GPHN: variants seen among roughly 807,000 people sequenced by gnomAD.
GPHN encodes gephyrin.
A neutral mutation model predicts 95.5 loss-of-function variants in GPHN; 17 were observed. The observed-to-expected ratio is 0.18, with a 90% CI of 0.12 to 0.27. The LOEUF (loss-of-function observed/expected upper bound fraction) is 0.27. Among genes scored for constraint, GPHN ranks in the 10% least tolerant of loss-of-function variants. The pLI, the probability that GPHN is intolerant of heterozygous loss-of-function variation, is 1.00. For synonymous variants in GPHN, 320 were observed against 322.5 expected (o/e 0.99, Z 0.08); for missense variants, 660 against 978.1 (o/e 0.67, Z 4.34).
At chr14:67,177,398 T>G (rs1312808772) in intron 21 of GPHN, among the ~76,000 whole-genome samples, 1 of 152,246 alleles carries the variant, frequency 6.6e-6, no homozygotes, top group Non-Finnish European at 1.5e-5. Context: ...TTGAGTAAGT[T>G]TCTTAATCCT....
At chr14:66,642,563 T>TTG (rs1555368320) in intron 1 of GPHN, among the ~76,000 whole-genome samples, 1 of 151,746 alleles carries the variant, frequency 6.6e-6, no homozygotes, top group Non-Finnish European at 1.5e-5. Context: ...ATTTTTGTTT[T>TTG]TTTTTTTTTT....
chr14:67,355,415 C>A, the GPHN span, among the ~76,000 whole-genome samples: 1 of 118,872 alleles, frequency 8.4e-6, no homozygotes, highest in Non-Finnish European at 1.6e-5. Flanking sequence ...AAAAGTGGAG[C>A]CCAGTTCGAG....
chr14:67,301,008 A>T, the GPHN span, among the ~76,000 whole-genome samples: 1 of 152,258 alleles, frequency 6.6e-6, no homozygotes, highest in East Asian at 1.9e-4. Flanking sequence ...TAACTCTTTA[A>T]GTTGTCATCT....
At chr14:67,237,337 G>A in the GPHN span, among the ~76,000 whole-genome samples, 42 of 151,986 alleles carry the variant, frequency 2.8e-4, no homozygotes, top group African/African-American at 9.9e-4. Context: ...GTGAAGACCT[G>A]GTTTTCACTA....
At chr14:67,646,842 A>G in the GPHN span, 1 of 1,389,230 alleles carries the variant, frequency 7.2e-7, no homozygotes. Context: ...ACTACAACAA[A>G]CCCACCCTCT....
chr14:67,198,361 C>G, the GPHN span: 1 of 1,553,966 alleles, frequency 6.4e-7, no homozygotes, highest in Non-Finnish European at 8.8e-7. Context: ...CCAATAACTT[C>G]AGTAATTTTC....
chr14:67,527,352 T>C, the GPHN span, among the ~76,000 whole-genome samples: 1 of 152,164 alleles, frequency 6.6e-6, no homozygotes, highest in Admixed American at 6.5e-5. Flanking sequence ...ATGATTCCTC[T>C]GTTTCAGCTC....
the GPHN span, among the ~76,000 whole-genome samples, chr14:67,576,933 C>A: frequency 2.0e-5 from 3 of 152,106 alleles, no homozygotes; most frequent in African/African-American, 7.2e-5. The surrounding 1 kb of genome is among the most constrained non-coding windows in gnomAD (Gnocchi z 4.0). Flanking sequence ...ATGGCATATA[C>A]CACACACACC....
chr14:66,930,861 C>T (rs1259767298), intron 8 of GPHN, among the ~76,000 whole-genome samples: 1 of 152,114 alleles, frequency 6.6e-6, no homozygotes, highest in Non-Finnish European at 1.5e-5. Flanking sequence ...TTGTCCTACT[C>T]AAGATATGAG....
At chr14:66,906,490 G>A (rs2065386794) in intron 5 of GPHN, among the ~76,000 whole-genome samples, 1 of 152,176 alleles carries the variant, frequency 6.6e-6, no homozygotes, top group African/African-American at 2.4e-5. Context: ...AGGATGGGGA[G>A]GAGGAACATC....
chr14:67,376,319 A>G, the GPHN span: 3 of 989,580 alleles, frequency 3.0e-6, no homozygotes, highest in South Asian at 1.8e-5. Flanking sequence ...GTATTTCCCT[A>G]TGGAGATCTT....
chr14:67,468,288 T>C, the GPHN span, among the ~76,000 whole-genome samples: 1 of 152,156 alleles, frequency 6.6e-6, no homozygotes, highest in African/African-American at 2.4e-5. Context: ...TTTCAATTTG[T>C]AAGACCTGGC....
the GPHN span, among the ~76,000 whole-genome samples, chr14:67,507,336 A>G: frequency 2.0e-5 from 3 of 152,018 alleles, no homozygotes; most frequent in Non-Finnish European, 4.4e-5. Context: ...GTGACAGAAC[A>G]ACATCCTGTC....
intron 1 of GPHN, among the ~76,000 whole-genome samples, chr14:66,625,870 A>G (rs1005712397): frequency 1.2e-4 from 18 of 152,356 alleles, no homozygotes; most frequent in African/African-American, 2.4e-5. Context: ...GAGGCAATAA[A>G]TATGAGTTGG....
At chr14:66,525,126 T>C (rs1164967599) in intron 1 of GPHN, among the ~76,000 whole-genome samples, 1 of 152,172 alleles carries the variant, frequency 6.6e-6, no homozygotes, top group Non-Finnish European at 1.5e-5. Context: ...TGTAAAAGCG[T>C]GCCTATTTCT....
At chr14:66,861,239 C>G (rs2063012053) in intron 4 of GPHN, among the ~76,000 whole-genome samples, 2 of 151,894 alleles carry the variant, frequency 1.3e-5, no homozygotes, top group African/African-American at 4.8e-5. Flanking sequence ...GTAGCTAAGG[C>G]AAAATAGTTT....
chr14:67,189,226 CCA>C, the GPHN span, among the ~76,000 whole-genome samples: 2 of 152,190 alleles, frequency 1.3e-5, no homozygotes, highest in Non-Finnish European at 2.9e-5. Flanking sequence ...AAACTTCACA[CCA>C]CCACCTGAAT....
chr14:67,339,032 C>T, the GPHN span, among the ~76,000 whole-genome samples: 10 of 132,014 alleles, frequency 7.6e-5, no homozygotes, highest in Admixed American at 6.9e-4. Flanking sequence ...CTTGCTCTGT[C>T]GCCCAGGGTG....
intron 2 of GPHN, among the ~76,000 whole-genome samples, chr14:66,736,402 C>CTTTTTTTTTTT (rs33964494): frequency 2.3e-5 from 3 of 128,888 alleles, no homozygotes; most frequent in Admixed American, 7.8e-5. Context: ...TTTTTTTTTT[C>CTTTTTTTTTTT]TTTTTTTTTT....
Sources: gnomAD v4.1 joint callset for allele counts (sites outside exome capture counted in the v4.1 genomes callset) on GRCh38, gnomAD v4.1.1 for gene constraint, Gnocchi (gnomAD v3.1) non-coding constraint, MANE v1.5 for transcripts, NCBI Gene and HGNC (gene_info 2026-07-23, HGNC 2026-07-21) for gene names.